The following RIPOR2 variants were observed in gnomAD, a reference collection of about 807,000 sequenced individuals.
The protein encoded by RIPOR2 is RHO family interacting cell polarization regulator 2.
In RIPOR2, 39 loss-of-function variants were observed where a neutral mutation model predicts 114.5. The ratio of observed to expected loss-of-function variants is 0.34; its 90% confidence interval spans 0.26 to 0.44. The LOEUF is 0.44. Among genes scored for constraint, RIPOR2 ranks in the 20% least tolerant of loss-of-function variants. The pLI is 1.00. For missense variants in RIPOR2, 1,007 were observed against 1,255.1 expected (o/e 0.80, Z 2.99); for synonymous variants, 445 against 484.4 (o/e 0.92, Z 1.07).
At chr6:24,950,410 T>TAA (rs1204435772) in intron 1 of RIPOR2, among the ~76,000 whole-genome samples, 13 of 152,326 alleles carry the variant, frequency 8.5e-5, no homozygotes, top group African/African-American at 3.1e-4. Flanking sequence ...GGCTCTGCAT[T>TAA]CACTCTTGCA....
rs367599631 is a variant in RIPOR2, at chr6:24,843,353, C to A, written c.1366G>T (p.Gly456Cys). 3 of 1,613,692 alleles carry A rather than the reference C, an allele frequency of 1.9e-6. No individual in the cohort carries two copies. Among genetic ancestry groups the A allele is most frequent in the African/African-American group, 1.3e-5 (1 of 74,878 alleles). Residue 456 changes from glycine (G) to cysteine (C), a missense_variant, in exon 13 of 22, where the codon GGT (glycine) becomes TGT (cysteine). Physicochemically the swap from Gly to Cys is radical, Grantham distance 159. Transcript: ENST00000643898. ...NLSSLASQNEGMDDTSSASSR... is the reference protein window; with the variant it reads ...NLSSLASQNECMDDTSSASSR... Reference sequence around the variant, plus strand: ...GATGCTGAGCTGGTGTCATCCATACCCTCATTCTGGGAGGCCAAGCTGCTG... The same window carrying A: ...GATGCTGAGCTGGTGTCATCCATACACTCATTCTGGGAGGCCAAGCTGCTG...
At position 24,976,132 on chromosome 6, in the gene RIPOR2, A is replaced by T. The variant is rs542397063; in HGVS notation, c.76+65719T>A. Among the ~76,000 whole-genome samples, 11 of 152,314 alleles carry T rather than the reference A, an allele frequency of 7.2e-5. No individual in the cohort carries two copies. In the South Asian group the frequency reaches 1.7e-3, roughly 23 times the overall value. The stretch of plus-strand genomic sequence containing the variant: ...CATGTTAAGATAATTTTTAAAATTC[A>T]TCCTTTTGGTGGAATAATTTTATAT... On this transcript the variant is annotated intron_variant, in intron 1 of 13. Transcript: ENST00000510784.
chr6:25,001,781 C>A (rs1775335281), intron 1 of RIPOR2, among the ~76,000 whole-genome samples: 1 of 148,834 alleles, frequency 6.7e-6, no homozygotes, highest in Non-Finnish European at 1.5e-5. Flanking sequence ...CTCACTGCAA[C>A]CTCCGCCTCC....
At chr6:24,909,183 G>T (rs776596720) in intron 1 of RIPOR2, among the ~76,000 whole-genome samples, 1 of 152,192 alleles carries the variant, frequency 6.6e-6, no homozygotes, top group Non-Finnish European at 1.5e-5. Flanking sequence ...AGCTAGCACA[G>T]AAAGCTAATC....
At chr6:24,881,658 G>A (rs1421946868) in intron 1 of RIPOR2, among the ~76,000 whole-genome samples, 1 of 152,046 alleles carries the variant, frequency 6.6e-6, no homozygotes, top group Non-Finnish European at 1.5e-5. Flanking sequence ...CACATATCAG[G>A]GTCTTTTGAA....
intron 1 of RIPOR2, among the ~76,000 whole-genome samples, chr6:24,889,358 G>A (rs1435771802): frequency 2.0e-5 from 3 of 152,168 alleles, no homozygotes; most frequent in Non-Finnish European, 4.4e-5. Flanking sequence ...GCGACCTGAA[G>A]TATTTTATTT....
intron 1 of RIPOR2, among the ~76,000 whole-genome samples, chr6:24,887,721 T>C (rs551284074): frequency 6.6e-6 from 1 of 152,370 alleles, no homozygotes; most frequent in African/African-American, 2.4e-5. Context: ...GAAGAAATGT[T>C]AATAGCATTT....
In RIPOR2 at chr6:24,865,083, G is replaced by A. The variant is rs180825440; in HGVS notation, c.651+218C>T. 9.8e-5 allele frequency among the ~76,000 whole-genome samples: 15 copies of A among 152,290 alleles called. No individual in the cohort carries two copies. In the East Asian group the frequency reaches 2.9e-3, roughly 29 times the overall value. ...TTGCCTCAGCCTCTTGAATAACTAG[G>A]ACTACAGGCACATGCCGCCACTCCC... On this transcript the variant is annotated intron_variant, in intron 7 of 21. Transcript: ENST00000643898.
chr6:24,830,513 G>C lies in RIPOR2; in HGVS notation c.2502C>G (p.Asp834Glu), dbSNP rs1388332097. 1.3e-6 allele frequency: 2 copies of C among 1,550,376 alleles called. No individual in the cohort carries two copies. The highest frequency in any genetic ancestry group is 3.8e-4 in the Middle Eastern group (2 of 5,282). The change falls in exon 17 of 22, where the codon GAC becomes GAG. Residue 834 changes from aspartate to glutamate, a missense_variant. Physicochemically the swap from Asp to Glu is conservative, Grantham distance 45 (BLOSUM62 2). Coordinates refer to ENST00000643898, the MANE Select transcript of RIPOR2 (RefSeq NM_001286445.3). ...TVNKEYPGLA[D>E]PVFRTLVSQI... ...CTCTCTACTGCTGCCTCATACCTGG[G>C]TCTGCAAGTCCTGGATATTCTTTGT...
At chr6:24,963,781 C>T (rs553512100) in intron 1 of RIPOR2, among the ~76,000 whole-genome samples, 5 of 150,666 alleles carry the variant, frequency 3.3e-5, no homozygotes, top group South Asian at 2.1e-4. Flanking sequence ...CCTTGGCATT[C>T]GCTTAGCCTT....
chr6:24,953,346 A>G (rs1772873766), intron 1 of RIPOR2, among the ~76,000 whole-genome samples: 1 of 151,804 alleles, frequency 6.6e-6, no homozygotes, highest in Non-Finnish European at 1.5e-5. Flanking sequence ...CCCAAAAAAA[A>G]TTAAGGTTAA....
At chr6:25,012,614 A>T (rs1021007574) in intron 1 of RIPOR2, among the ~76,000 whole-genome samples, 2 of 152,224 alleles carry the variant, frequency 1.3e-5, no homozygotes, top group Non-Finnish European at 2.9e-5. Flanking sequence ...AATTGAAACA[A>T]ATCAGACACA....
intron 1 of RIPOR2, among the ~76,000 whole-genome samples, chr6:24,901,455 A>G (rs986930660): frequency 3.9e-5 from 6 of 152,178 alleles, no homozygotes; most frequent in African/African-American, 1.4e-4. Flanking sequence ...AGAAAAAATG[A>G]CCCTTAAAAA....
Position 25,005,738 on chromosome 6 carries a change from T to TATATATATACATACATAC in RIPOR2, c.76+36112_76+36113insGTATGTATGTATATATAT, listed in dbSNP as rs34572978. ...ATATATATATATATATATATATATA[T>TATATATATACATACATAC]ATACATTTACCGATCAAAAGATATG... On this transcript the variant is annotated intron_variant, in intron 1 of 13. Transcript: ENST00000510784. 9.9e-5 allele frequency among the ~76,000 whole-genome samples: 7 copies of TATATATATACATACATAC among 70,698 alleles called. 1 individual carries two copies. Among genetic ancestry groups the TATATATATACATACATAC allele is most frequent in the Non-Finnish European group, 1.7e-4 (5 of 30,032 alleles). The allele number at this position is 70,698 out of a possible 152,430, so 46.4% of individuals were successfully genotyped here.
intron 1 of RIPOR2, among the ~76,000 whole-genome samples, chr6:25,040,432 A>G (rs1361295104): frequency 1.3e-5 from 2 of 151,908 alleles, no homozygotes; most frequent in Non-Finnish European, 2.9e-5. Context: ...ATGGACTTCT[A>G]ATGAGAACAA....
At chr6:24,810,218 G>A (rs1176728693) in intron 20 of RIPOR2, among the ~76,000 whole-genome samples, 1 of 152,074 alleles carries the variant, frequency 6.6e-6, no homozygotes, top group Admixed American at 6.5e-5. Context: ...GTGCCACTCC[G>A]GATGCACTAT....
At chr6:24,923,065 C>A (rs1297262804) in intron 1 of RIPOR2, among the ~76,000 whole-genome samples, 1 of 152,108 alleles carries the variant, frequency 6.6e-6, no homozygotes, top group Non-Finnish European at 1.5e-5. Flanking sequence ...CTGGCAACCA[C>A]CGTCTATTTA....
At chr6:24,861,061 A>C in intron 7 of RIPOR2, 25 bp from the exon 8 acceptor site, 2 of 1,567,158 alleles carry the variant, frequency 1.3e-6, no homozygotes, top group Non-Finnish European at 1.8e-6. Flanking sequence ...GGAGACGATC[A>C]TGAGAGCTAG....
At chr6:25,010,572 A>C (rs1775738061) in intron 1 of RIPOR2, among the ~76,000 whole-genome samples, 3 of 152,226 alleles carry the variant, frequency 2.0e-5, no homozygotes, top group African/African-American at 7.2e-5. Context: ...AATTATTTTA[A>C]AATTACTTTT....
Sources: allele counts gnomAD v4.1 joint callset (sites outside exome capture counted in the v4.1 genomes callset), GRCh38; gene constraint gnomAD v4.1.1; transcripts MANE v1.5; gene names NCBI Gene and HGNC (gene_info 2026-07-23, HGNC 2026-07-21).